Variants in APC observed in about 807,000 individuals in gnomAD.
APC encodes the protein APC regulator of Wnt signaling pathway.
In APC, 72 loss-of-function variants were observed where a neutral mutation model predicts 247.0. The observed-to-expected ratio is 0.29, with a 90% CI of 0.24 to 0.35. APC has a LOEUF of 0.35. APC is among the 10% of genes least tolerant of loss of function. The pLI, the probability that APC is intolerant of heterozygous loss-of-function variation, is 1.00. For missense variants in APC, 3,400 were observed against 3,360.7 expected, an observed-to-expected ratio of 1.01 and a Z score of -0.29; for synonymous variants, 1,254 against 1,162.5, an observed-to-expected ratio of 1.08 and a Z score of -1.60.
At chr5:112,745,521 T>A (rs1183662259) in intron 1 of APC, among the ~76,000 whole-genome samples, 1 of 151,230 alleles carries the variant, frequency 6.6e-6, no homozygotes, top group Non-Finnish European at 1.5e-5. Flanking sequence ...TTAAGTAAAG[T>A]AAGGAAATAA....
intron 10 of APC, 58 bp from the exon 11 acceptor site, chr5:112,821,838 A>G (rs1334360102): frequency 7.3e-7 from 1 of 1,370,406 alleles, no homozygotes; most frequent in Admixed American, 1.7e-5. Context: ...AAGTACAATA[A>G]ACATCATTGC....
Position 112,835,044 on chromosome 5 carries a change from C to T in APC, c.1837C>T (p.Leu613Phe), listed in dbSNP as rs1471156259. ...KADICAVDGALAFLVGTLTYR... is the reference protein window; with the variant it reads ...KADICAVDGAFAFLVGTLTYR... ...TGATATATGTGCTGTAGATGGTGCA[C>T]TTGCATTTTTGGTTGGCACTCTTAC... Residue 613 changes from leucine (L) to phenylalanine (F), a missense_variant, in exon 15 of 16, where the codon CTT (leucine) becomes TTT (phenylalanine). Transcript: ENST00000257430. 1 of 1,614,080 alleles carries T rather than the reference C, an allele frequency of 6.2e-7. No homozygotes were observed. Among genetic ancestry groups the T allele is most frequent in the Non-Finnish European group, 8.5e-7 (1 of 1,179,990 alleles).
chr5:112,742,238 C>T (rs527587940), intron 1 of APC, among the ~76,000 whole-genome samples: 1 of 152,332 alleles, frequency 6.6e-6, no homozygotes, highest in South Asian at 2.1e-4. Flanking sequence ...GCTAACTCTG[C>T]TCTATAGTAT....
At chr5:112,816,769 G>C (rs947371784) in intron 9 of APC, among the ~76,000 whole-genome samples, 5 of 150,666 alleles carry the variant, frequency 3.3e-5, no homozygotes, top group African/African-American at 1.2e-4. Flanking sequence ...CTCCAGCCTG[G>C]GCAACAAGAG....
intron 9 of APC, among the ~76,000 whole-genome samples, chr5:112,818,454 ATAT>A (rs57559075): frequency 0.63 from 95,335 of 151,744 alleles, 30,273 homozygotes; most frequent in East Asian, 0.82. Flanking sequence ...AATTTTAATA[ATAT>A]TATCATCTGA....
chr5:112,821,823 T>C (rs1763155894), intron 10 of APC, 73 bp from the exon 11 acceptor site: 1 of 1,239,714 alleles, frequency 8.1e-7, no homozygotes, highest in Non-Finnish European at 1.2e-6. Flanking sequence ...CCCTGCATAT[T>C]TTTAAAGTAC....
At chr5:112,773,675 G>A (rs547897711) in intron 4 of APC, among the ~76,000 whole-genome samples, 1 of 152,164 alleles carries the variant, frequency 6.6e-6, no homozygotes, top group Non-Finnish European at 1.5e-5. Flanking sequence ...GTGGACCCAT[G>A]CAGTTCACAC....
intron 1 of APC, among the ~76,000 whole-genome samples, chr5:112,730,398 A>G (rs1019720630): frequency 5.3e-5 from 8 of 152,250 alleles, no homozygotes; most frequent in Admixed American, 1.3e-4. Flanking sequence ...GGATGAGGCA[A>G]TATAGTCAGC....
rs1048487230 is a variant in APC, at chr5:112,809,530, A to G, written c.835-5965A>G. ...AAAGCAGTAGAATAATATTGTTACAACAAAGAGGGAACAGTTAACAGTTTC... is the reference window on the plus strand; with the variant it reads ...AAAGCAGTAGAATAATATTGTTACAGCAAAGAGGGAACAGTTAACAGTTTC... On this transcript the variant is annotated intron_variant, in intron 8 of 15. Coordinates refer to ENST00000257430, the MANE Select transcript of APC (RefSeq NM_000038.6). Among the ~76,000 whole-genome samples the G allele has an allele frequency of 1.6e-4, 24 of 152,220 alleles. No individual in the cohort carries two copies. The South Asian group carries it at 4.4e-3, about 28-fold the overall frequency.
intron 4 of APC, among the ~76,000 whole-genome samples, chr5:112,773,814 A>G (rs542784073): frequency 1.3e-5 from 2 of 152,192 alleles, no homozygotes; most frequent in African/African-American, 4.8e-5. Context: ...CAAATAAGAA[A>G]AATCACAGAA....
At chr5:112,813,224 G>T (rs1301168626) in intron 8 of APC, among the ~76,000 whole-genome samples, 1 of 152,190 alleles carries the variant, frequency 6.6e-6, no homozygotes, top group Non-Finnish European at 1.5e-5. Flanking sequence ...TAAGTGTACA[G>T]TTGAATGAGT....
rs786201989 is a variant in APC at position 112,766,371 on chromosome 5, G to A, written c.181G>A (p.Ala61Thr). The change falls in exon 3 of 16, where the codon GCT becomes ACT. Residue 61 changes from alanine (A) to threonine (T), a missense_variant. By Grantham distance (58) the Ala-to-Thr change is moderately conservative. Coordinates refer to ENST00000257430, the MANE Select transcript of APC (RefSeq NM_000038.6). The part of the protein sequence containing the change: ...LQGSIEDEAM[A>T]SSGQIDLLER... ...AGGAAGTATTGAAGATGAAGCTATG[G>A]CTTCTTCTGGACAGATTGATTTATT... The A allele has an allele frequency of 3.1e-6, 5 of 1,612,326 alleles. No homozygotes were observed. The highest frequency in any genetic ancestry group is 1.1e-5 in the South Asian group (1 of 91,012).
intron 7 of APC, among the ~76,000 whole-genome samples, chr5:112,794,216 C>G (rs375860959): frequency 6.6e-6 from 1 of 151,966 alleles, no homozygotes; most frequent in African/African-American, 2.4e-5. Flanking sequence ...CCTCAGCCCC[C>G]GAGTAGCTCA....
chr5:112,761,617 A>T (rs977468755), intron 2 of APC, among the ~76,000 whole-genome samples: 1 of 152,196 alleles, frequency 6.6e-6, no homozygotes, highest in African/African-American at 2.4e-5. Flanking sequence ...AAATGGAAAA[A>T]ACAAAAAAGA....
At chr5:112,751,821 C>G (rs1754410594) in intron 1 of APC, among the ~76,000 whole-genome samples, 1 of 151,768 alleles carries the variant, frequency 6.6e-6, no homozygotes, top group Non-Finnish European at 1.5e-5. Flanking sequence ...GAATGGTACC[C>G]TGACTGTAGG....
chr5:112,807,979 A>G (rs902721272), intron 8 of APC, among the ~76,000 whole-genome samples: 2 of 151,858 alleles, frequency 1.3e-5, no homozygotes, highest in African/African-American at 4.8e-5. Flanking sequence ...ACATGGTGAA[A>G]CCCTGTCTCT....
At chr5:112,793,969 A>G (rs75012560) in intron 7 of APC, among the ~76,000 whole-genome samples, 1,905 of 151,950 alleles carry the variant, frequency 0.013, 19 homozygotes, top group Non-Finnish European at 0.017. Context: ...AAATAACAGC[A>G]CTGGAAACTG....
At chr5:112,777,009 G>A (rs1757733974) in intron 5 of APC, among the ~76,000 whole-genome samples, 2 of 152,024 alleles carry the variant, frequency 1.3e-5, no homozygotes, top group African/African-American at 4.8e-5. Context: ...TAGAAATTTT[G>A]CAAACCATTG....
At chr5:112,818,897 CACTT>C (rs1762794017) in intron 9 of APC, 65 bp from the exon 10 acceptor site, 1 of 1,315,060 alleles carries the variant, frequency 7.6e-7, no homozygotes, top group Non-Finnish European at 1.0e-6. Context: ...TCCCATTCAT[CACTT>C]AATTGGTTTT....
Sources: gnomAD v4.1 joint callset for allele counts (sites outside exome capture counted in the v4.1 genomes callset) on GRCh38, gnomAD v4.1.1 for gene constraint, MANE v1.5 for transcripts, NCBI Gene and HGNC (gene_info 2026-07-23, HGNC 2026-07-21) for gene names.